HYAL4: variants seen among roughly 807,000 people sequenced by gnomAD.
HYAL4 encodes the protein hyaluronidase-4.
In HYAL4, 37 loss-of-function variants were observed where a neutral mutation model predicts 35.2. That is an observed-to-expected ratio of 1.05 (90% CI 0.81 to 1.38). HYAL4 has a LOEUF of 1.38. Among genes scored for constraint, HYAL4 ranks in the 40% most tolerant of loss-of-function variants. HYAL4 has a pLI of 0.00. For synonymous variants in HYAL4, 198 were observed against 203.2 expected, an observed-to-expected ratio of 0.97 and a Z score of 0.22; for missense variants, 572 against 572.4, an observed-to-expected ratio of 1.00 and a Z score of 0.01.
the HYAL4 span, chr7:123,814,202 G>C: frequency 6.6e-6 from 1 of 152,576 alleles, no homozygotes; most frequent in Admixed American, 6.6e-5. Context: ...AACTCAGGCA[G>C]CCCTCAAACC....
intron 3 of HYAL4, among the ~76,000 whole-genome samples, chr7:123,869,746 G>A (rs957248768): frequency 1.3e-5 from 2 of 151,402 alleles, no homozygotes; most frequent in African/African-American, 4.8e-5. Flanking sequence ...GGAGTGTAAT[G>A]ATGCAATCTC....
the HYAL4 span, among the ~76,000 whole-genome samples, chr7:123,782,236 G>A: frequency 6.6e-6 from 1 of 152,184 alleles, no homozygotes; most frequent in Non-Finnish European, 1.5e-5. Context: ...TAGGCAGGAA[G>A]CCAGCATTCT....
intron 2 of HYAL4, among the ~76,000 whole-genome samples, chr7:123,864,234 A>G (rs1442872193): frequency 6.6e-6 from 1 of 152,176 alleles, no homozygotes; most frequent in Non-Finnish European, 1.5e-5. Context: ...TTTAATGAGT[A>G]TGTCATTTCA....
intron 1 of HYAL4, among the ~76,000 whole-genome samples, chr7:123,839,545 T>G (rs1222204263): frequency 1.3e-5 from 2 of 152,204 alleles, no homozygotes; most frequent in East Asian, 3.9e-4. Flanking sequence ...TTCTAGATCC[T>G]TGAGGAATCG....
chr7:123,823,731 A>G, the HYAL4 span, among the ~76,000 whole-genome samples: 1 of 20,832 alleles, frequency 4.8e-5, no homozygotes, highest in Non-Finnish European at 9.6e-5. Flanking sequence ...TATATATTTT[A>G]TATATATATA....
the HYAL4 span, among the ~76,000 whole-genome samples, chr7:123,774,449 C>A: frequency 6.6e-6 from 1 of 150,888 alleles, no homozygotes; most frequent in African/African-American, 2.4e-5. Context: ...TTTTTTTTTC[C>A]TGTGAAATCT....
chr7:123,769,702 T>C, the HYAL4 span, among the ~76,000 whole-genome samples: 6 of 151,794 alleles, frequency 4.0e-5, no homozygotes, highest in African/African-American at 1.5e-4. Context: ...CAATTCACCG[T>C]CAAGTGTAAG....
chr7:123,774,506 A>T, the HYAL4 span, among the ~76,000 whole-genome samples: 1 of 151,706 alleles, frequency 6.6e-6, no homozygotes, highest in East Asian at 1.9e-4. Flanking sequence ...TAGACCAGAT[A>T]TCTACTATAA....
the HYAL4 span, among the ~76,000 whole-genome samples, chr7:123,778,147 A>ATCTGTCTG: frequency 2.1e-3 from 300 of 142,178 alleles, 2 homozygotes; most frequent in South Asian, 5.4e-3. Flanking sequence ...CCATCTTTCT[A>ATCTGTCTG]TCTGTCTGTC....
At chr7:123,812,941 A>G in the HYAL4 span, among the ~76,000 whole-genome samples, 6 of 152,282 alleles carry the variant, frequency 3.9e-5, no homozygotes, top group Non-Finnish European at 5.9e-5. Context: ...CATGAAGGCA[A>G]TTGTCTCAAT....
At chr7:123,788,257 C>A in the HYAL4 span, among the ~76,000 whole-genome samples, 1 of 152,102 alleles carries the variant, frequency 6.6e-6, no homozygotes, top group Admixed American at 6.6e-5. Flanking sequence ...CCAGCCTGGA[C>A]AACATAGTGA....
intron 3 of HYAL4, among the ~76,000 whole-genome samples, chr7:123,871,380 C>T (rs1336133177): frequency 2.0e-5 from 3 of 151,932 alleles, no homozygotes; most frequent in South Asian, 2.1e-4. Flanking sequence ...TTAGTAGAGA[C>T]GGGGTTTTGC....
the HYAL4 span, among the ~76,000 whole-genome samples, chr7:123,807,479 G>C: frequency 7.3e-6 from 1 of 136,868 alleles, no homozygotes; most frequent in Non-Finnish European, 1.5e-5. Context: ...CTGTCACCCA[G>C]GCTGGAGGGC....
the HYAL4 span, among the ~76,000 whole-genome samples, chr7:123,793,218 C>T: frequency 2.6e-5 from 4 of 152,164 alleles, no homozygotes; most frequent in African/African-American, 9.7e-5. Flanking sequence ...TTGATCTGGT[C>T]CAAAATATTC....
At chr7:123,777,584 T>C in the HYAL4 span, among the ~76,000 whole-genome samples, 33 of 152,196 alleles carry the variant, frequency 2.2e-4, no homozygotes, top group African/African-American at 7.5e-4. Context: ...TATACACTCC[T>C]TGAGGATAGG....
At chr7:123,807,246 C>G in the HYAL4 span, among the ~76,000 whole-genome samples, 107 of 152,108 alleles carry the variant, frequency 7.0e-4, 1 homozygote, top group African/African-American at 2.4e-3. Context: ...TGTATCAAGT[C>G]TGCTTTAATC....
chr7:123,770,599 G>A, the HYAL4 span, among the ~76,000 whole-genome samples: 1 of 152,006 alleles, frequency 6.6e-6, no homozygotes, highest in African/African-American at 2.4e-5. Context: ...GGAAGAGCAG[G>A]GCGTAATCAC....
At chr7:123,807,359 C>T in the HYAL4 span, among the ~76,000 whole-genome samples, 1 of 150,950 alleles carries the variant, frequency 6.6e-6, no homozygotes, top group Admixed American at 6.6e-5. Context: ...TTGATCAATG[C>T]TGGATGTCAT....
rs377039523 is a variant in HYAL4, at chr7:123,868,931, T to C, written c.658T>C (p.Tyr220His). ...CAAAGGCCTTTGGGGTTATTATTTA[T>C]ATCCTGATTGCCACAATTATAACGT... ...RPKGLWGYYL[Y>H]PDCHNYNVYA... Residue 220 changes from tyrosine to histidine, a missense_variant, in exon 3 of 5, where the codon TAT becomes CAT. By Grantham distance (83) the Tyr-to-His change is moderately conservative. Transcript: ENST00000223026. 1.1e-4 allele frequency: 173 copies of C among 1,614,006 alleles called. No individual in the cohort carries two copies. The highest frequency in any genetic ancestry group is 1.6e-4 in the Middle Eastern group (1 of 6,084).
Sources: gnomAD v4.1 joint callset for allele counts (sites outside exome capture counted in the v4.1 genomes callset) on GRCh38, gnomAD v4.1.1 for gene constraint, MANE v1.5 for transcripts, NCBI Gene and HGNC (gene_info 2026-07-23, HGNC 2026-07-21) for gene names.